The following LARP4B variants were observed in gnomAD, a reference collection of about 807,000 sequenced individuals.
LARP4B encodes the protein La ribonucleoprotein 4B.
Under a neutral mutation model 89.8 loss-of-function variants are expected in LARP4B, and 12 were observed. That is an observed-to-expected ratio of 0.13 (90% CI 0.09 to 0.22). LARP4B has a LOEUF of 0.22. Ranked by LOEUF, LARP4B falls within the 10% of genes least tolerant of loss-of-function variation. The probability of loss-of-function intolerance (pLI) is 1.00; values close to 1 mark genes in which losing one functional copy is unlikely to be tolerated. For missense variants in LARP4B, 757 were observed against 947.7 expected (o/e 0.80, Z 2.64); for synonymous variants, 367 against 363.3 (o/e 1.01, Z -0.12).
intron 3 of LARP4B, among the ~76,000 whole-genome samples, chr10:879,075 A>G (rs1261174136): frequency 6.6e-6 from 1 of 152,262 alleles, no homozygotes; most frequent in African/African-American, 2.4e-5. Context: ...AACTAAGAAT[A>G]GTAAGCCAAA....
intron 1 of LARP4B, among the ~76,000 whole-genome samples, chr10:920,210 G>A (rs879368503): frequency 1.3e-5 from 2 of 152,214 alleles, no homozygotes; most frequent in African/African-American, 2.4e-5. Context: ...GACTTAAAGA[G>A]GAGGCTCGTT....
intron 14 of LARP4B, 125 bp from the exon 15 acceptor site, chr10:818,014 CCTCA>C (rs1413198602): frequency 1.1e-5 from 10 of 940,666 alleles, no homozygotes. Flanking sequence ...ACAAGGGCTT[CCTCA>C]CTCAATTGAA....
intron 5 of LARP4B, among the ~76,000 whole-genome samples, chr10:857,550 T>C (rs149169956): frequency 5.6e-4 from 86 of 152,254 alleles, no homozygotes; most frequent in African/African-American, 1.5e-3. Flanking sequence ...GTCTCCACCA[T>C]TGGGGGAGGT....
the LARP4B span, among the ~76,000 whole-genome samples, chr10:941,569 G>A: frequency 2.6e-5 from 4 of 152,022 alleles, no homozygotes; most frequent in South Asian, 2.1e-4. Context: ...TGATCCGCCC[G>A]CCTTGGCCTC....
the LARP4B span, among the ~76,000 whole-genome samples, chr10:954,543 G>A: frequency 2.6e-5 from 4 of 152,126 alleles, no homozygotes; most frequent in African/African-American, 4.8e-5. This position sits in a 1 kb window ranked among gnomAD's most constrained non-coding sequence, Gnocchi z 5.0. Context: ...AATGGGAGTC[G>A]GGACATGGCC....
At position 814,724 on chromosome 10, in the gene LARP4B, C is replaced by A; in HGVS notation, c.1929+18G>T. 1 of 1,576,246 alleles carries A rather than the reference C, an allele frequency of 6.3e-7. No homozygotes were observed. The highest frequency in any genetic ancestry group is 8.6e-7 in the Non-Finnish European group (1 of 1,160,266). ...GCCTCGCGGCTGTCGTGCAGGAAGG[C>A]AGGCACGAGGTACGTACCGTGGCGG... On this transcript the variant is annotated intron_variant, in intron 17 of 17. Coordinates refer to ENST00000316157, the MANE Select transcript of LARP4B (RefSeq NM_015155.3). The surrounding 1 kb of genome is among the most constrained non-coding windows in gnomAD (Gnocchi z 4.4).
chr10:828,547 G>A (rs540914880), intron 11 of LARP4B, among the ~76,000 whole-genome samples: 1 of 152,272 alleles, frequency 6.6e-6, no homozygotes, highest in East Asian at 1.9e-4. Flanking sequence ...CCAGCCATCC[G>A]ACCCTGAGGA....
At chr10:837,015 T>C (rs995435800) in intron 7 of LARP4B, among the ~76,000 whole-genome samples, 3 of 152,224 alleles carry the variant, frequency 2.0e-5, no homozygotes, top group Non-Finnish European at 4.4e-5. Flanking sequence ...CAGCAAGTAA[T>C]GATCACAATT....
the LARP4B span, among the ~76,000 whole-genome samples, chr10:940,722 G>A: frequency 1.3e-5 from 2 of 152,324 alleles, no homozygotes; most frequent in South Asian, 2.1e-4. Flanking sequence ...AAGGCATGAC[G>A]GGAGAAGTGC....
At chr10:979,791 G>A in the LARP4B span, among the ~76,000 whole-genome samples, 1 of 152,242 alleles carries the variant, frequency 6.6e-6, no homozygotes, top group Middle Eastern at 3.4e-3. Context: ...CTAACATGGT[G>A]AAACCCCGTC....
rs561682656 is a variant in LARP4B at position 911,770 on chromosome 10, T to C, written c.-40+19658A>G. 8.5e-5 allele frequency among the ~76,000 whole-genome samples: 13 copies of C among 152,282 alleles called. No homozygotes were observed. In the South Asian group the frequency reaches 1.9e-3, roughly 22 times the overall value. Reference sequence around the variant, plus strand: ...GTCTAAAGCTCTGCTCCCTTTTGCATTGCGCTGTCCAATTTCGTGGTTTTC... The same window carrying C: ...GTCTAAAGCTCTGCTCCCTTTTGCACTGCGCTGTCCAATTTCGTGGTTTTC... On this transcript the variant is annotated intron_variant, in intron 1 of 17. Transcript: ENST00000316157.
At chr10:849,891 G>C (rs1474272481) in intron 5 of LARP4B, among the ~76,000 whole-genome samples, 1 of 152,190 alleles carries the variant, frequency 6.6e-6, no homozygotes, top group East Asian at 1.9e-4. Context: ...GTACTCTTCA[G>C]AACTATTATA....
intron 11 of LARP4B, among the ~76,000 whole-genome samples, chr10:826,365 T>G (rs940518940): frequency 6.6e-6 from 1 of 152,252 alleles, no homozygotes; most frequent in Admixed American, 6.5e-5. Flanking sequence ...AGTCCTGCTC[T>G]GCAGATCAGG....
At chr10:873,836 T>C (rs1256202527) in intron 3 of LARP4B, among the ~76,000 whole-genome samples, 2 of 152,202 alleles carry the variant, frequency 1.3e-5, no homozygotes, top group Non-Finnish European at 2.9e-5. Flanking sequence ...TGACACATTA[T>C]CTACAATTTG....
At chr10:935,627 CCAAA>C (rs1248240175), upstream of LARP4B, among the ~76,000 whole-genome samples, 1 of 152,090 alleles carries the variant, frequency 6.6e-6, no homozygotes, top group African/African-American at 2.4e-5. Flanking sequence ...AAAGTCTCTA[CCAAA>C]CAAATACAGC....
intron 3 of LARP4B, chr10:869,989 T>C: frequency 1.1e-6 from 1 of 895,400 alleles, no homozygotes; most frequent in African/African-American, 1.8e-5. Context: ...AGCACAATAG[T>C]AAACACACAG....
intron 5 of LARP4B, among the ~76,000 whole-genome samples, chr10:858,284 G>C (rs1042140741): frequency 6.6e-6 from 1 of 152,060 alleles, no homozygotes; most frequent in South Asian, 2.1e-4. Flanking sequence ...GGCGTGCCAC[G>C]ATCGTTCTAT....
At chr10:867,877 A>C (rs956892227) in intron 3 of LARP4B, among the ~76,000 whole-genome samples, 1 of 151,070 alleles carries the variant, frequency 6.6e-6, no homozygotes. Context: ...AAAAAAAAAA[A>C]AAAAAAAAAC....
chr10:958,392 C>T, the LARP4B span, among the ~76,000 whole-genome samples: 3 of 152,228 alleles, frequency 2.0e-5, no homozygotes, highest in Admixed American at 1.3e-4. Flanking sequence ...TGGCACGCAC[C>T]ACTACCTCTC....
Sources: allele counts gnomAD v4.1 joint callset (sites outside exome capture counted in the v4.1 genomes callset), GRCh38; gene constraint gnomAD v4.1.1; non-coding constraint Gnocchi (gnomAD v3.1); transcripts MANE v1.5; gene names NCBI Gene and HGNC (gene_info 2026-07-23, HGNC 2026-07-21).